GPC6: variants seen among roughly 807,000 people sequenced by gnomAD.
The protein encoded by GPC6 is glypican-6.
A neutral mutation model predicts 55.2 loss-of-function variants in GPC6; 14 were observed. That is an observed-to-expected ratio of 0.25 (90% CI 0.17 to 0.40). The LOEUF is 0.40. GPC6 is among the 10% of genes least tolerant of loss of function. The pLI is 1.00. For synonymous variants in GPC6, 278 were observed against 259.6 expected, an observed-to-expected ratio of 1.07 and a Z score of -0.68; for missense variants, 641 against 708.5, an observed-to-expected ratio of 0.90 and a Z score of 1.08.
At chr13:94,069,478 A>C (rs1182641370) in intron 4 of GPC6, among the ~76,000 whole-genome samples, 1 of 152,078 alleles carries the variant, frequency 6.6e-6, no homozygotes, top group Non-Finnish European at 1.5e-5. Context: ...TACTTATGCA[A>C]ATTTCTGGAG....
At chr13:93,585,415 A>G (rs1877145321) in intron 2 of GPC6, among the ~76,000 whole-genome samples, 1 of 152,196 alleles carries the variant, frequency 6.6e-6, no homozygotes. Context: ...TTTTCTCAGC[A>G]TTCAGCTAGA....
chr13:94,124,206 C>T (rs1340871744), intron 4 of GPC6, among the ~76,000 whole-genome samples: 2 of 152,132 alleles, frequency 1.3e-5, no homozygotes, highest in African/African-American at 2.4e-5. Context: ...ATTTTTACAA[C>T]ATGACTCTTG....
chr13:93,783,916 G>T (rs576442216), intron 2 of GPC6, among the ~76,000 whole-genome samples: 19 of 152,022 alleles, frequency 1.2e-4, no homozygotes, highest in Non-Finnish European at 2.4e-4. Context: ...TCACCTCTTT[G>T]TTCCTATAGA....
At chr13:94,119,051 T>G (rs1430245234) in intron 4 of GPC6, among the ~76,000 whole-genome samples, 2 of 152,040 alleles carry the variant, frequency 1.3e-5, no homozygotes, top group Non-Finnish European at 2.9e-5. Flanking sequence ...TATGTGTATA[T>G]ATATATACAT....
rs1407486191 is a variant in GPC6 at position 93,791,976 on chromosome 13, A to G, written c.320-38178A>G. On this transcript the variant is annotated intron_variant, in intron 2 of 8. Transcript: ENST00000377047. ...CACAGGGAACGAAGCAAAATTGTGAATTTTTGAAGATTTTTTTTCTAAAGA... is the reference window on the plus strand; with the variant it reads ...CACAGGGAACGAAGCAAAATTGTGAGTTTTTGAAGATTTTTTTTCTAAAGA... 2.6e-5 allele frequency among the ~76,000 whole-genome samples: 4 copies of G among 152,336 alleles called. No homozygotes were observed. The East Asian group carries it at 5.8e-4, about 22-fold the overall frequency.
At chr13:93,949,558 C>A (rs1353792632) in intron 3 of GPC6, among the ~76,000 whole-genome samples, 1 of 152,130 alleles carries the variant, frequency 6.6e-6, no homozygotes, top group African/African-American at 2.4e-5. Context: ...ACATGTTCAC[C>A]TTTAACCTGA....
At chr13:93,240,739 G>A (rs1038948741) in intron 1 of GPC6, among the ~76,000 whole-genome samples, 1 of 152,072 alleles carries the variant, frequency 6.6e-6, no homozygotes, top group African/African-American at 2.4e-5. Context: ...TAAGCAGTGA[G>A]TTTTATACTT....
At chr13:93,670,538 T>C (rs974244537) in intron 2 of GPC6, among the ~76,000 whole-genome samples, 4 of 152,206 alleles carry the variant, frequency 2.6e-5, no homozygotes, top group African/African-American at 9.6e-5. Flanking sequence ...GGTCATATAA[T>C]GTGTGGGAAT....
At chr13:93,483,791 C>T (rs965006194) in intron 1 of GPC6, among the ~76,000 whole-genome samples, 2 of 152,048 alleles carry the variant, frequency 1.3e-5, no homozygotes, top group Admixed American at 6.6e-5. Flanking sequence ...GTGCTATTAG[C>T]CCACAGAGTG....
intron 4 of GPC6, among the ~76,000 whole-genome samples, chr13:94,209,348 G>A (rs559461021): frequency 1.3e-5 from 2 of 152,304 alleles, no homozygotes; most frequent in East Asian, 1.9e-4. Flanking sequence ...GTTCCCTGGA[G>A]CTATTTGTGG....
chr13:94,205,632 C>G (rs9561514), intron 4 of GPC6, among the ~76,000 whole-genome samples: 19,296 of 152,174 alleles, frequency 0.13, 1,295 homozygotes, highest in South Asian at 0.23. Context: ...AAATTTCAAT[C>G]TATTCCACCA....
At chr13:93,922,489 C>T (rs1241960632) in intron 3 of GPC6, among the ~76,000 whole-genome samples, 1 of 152,052 alleles carries the variant, frequency 6.6e-6, no homozygotes, top group African/African-American at 2.4e-5. Flanking sequence ...GCACTGTTGT[C>T]ATTTTGGGGG....
chr13:93,413,045 A>T (rs1449354248), intron 1 of GPC6, among the ~76,000 whole-genome samples: 2 of 152,304 alleles, frequency 1.3e-5, no homozygotes, highest in East Asian at 3.9e-4. Flanking sequence ...GTGAGGACTA[A>T]TGGTAGATGT....
chr13:93,290,352 T>C (rs140945175), intron 1 of GPC6, among the ~76,000 whole-genome samples: 3 of 152,244 alleles, frequency 2.0e-5, no homozygotes, highest in Middle Eastern at 3.4e-3. Flanking sequence ...CCACAATCTG[T>C]CCAGAAATTC....
At chr13:94,339,175 C>T (rs1287943981) in intron 6 of GPC6, among the ~76,000 whole-genome samples, 2 of 152,036 alleles carry the variant, frequency 1.3e-5, no homozygotes, top group Non-Finnish European at 2.9e-5. Flanking sequence ...AGCAGTCCTC[C>T]GGCCTCAGCC....
rs56074677 is a variant in GPC6 at position 94,339,751 on chromosome 13, CTTTTTTTTTTTTTTTTT to C, written c.1152+33641_1152+33657del. ...TTAAGTCTGCAACCTGCATACTTTC[CTTTTTTTTTTTTTTTTT>C]TTTTTTTTTTTTGAGACAGAGTTTT... is the stretch of plus-strand genomic sequence containing the variant. On this transcript the variant is annotated intron_variant, in intron 6 of 8. Coordinates refer to ENST00000377047, the MANE Select transcript of GPC6 (RefSeq NM_005708.5). Among the ~76,000 whole-genome samples, 23 of 63,812 alleles carry C rather than the reference CTTTTTTTTTTTTTTTTT, an allele frequency of 3.6e-4. No homozygotes were observed. The East Asian group carries it at 6.9e-3, about 19-fold the overall frequency. The allele number at this position is 63,812 out of a possible 152,430, so 41.9% of individuals were successfully genotyped here.
At chr13:93,426,534 A>G (rs972587001) in intron 1 of GPC6, among the ~76,000 whole-genome samples, 1 of 151,806 alleles carries the variant, frequency 6.6e-6, no homozygotes, top group Non-Finnish European at 1.5e-5. Context: ...GATGATTTCC[A>G]ATTTCATCCA....
chr13:93,717,765 C>T (rs1213565196), intron 2 of GPC6, among the ~76,000 whole-genome samples: 1 of 151,656 alleles, frequency 6.6e-6, no homozygotes, highest in Admixed American at 6.6e-5. Context: ...TCCCCTTGCC[C>T]CCCACCCCTG....
At chr13:94,215,239 T>C (rs997299233) in intron 4 of GPC6, among the ~76,000 whole-genome samples, 2 of 152,192 alleles carry the variant, frequency 1.3e-5, no homozygotes, top group African/African-American at 4.8e-5. Context: ...TCCCAGCTTC[T>C]AACTGGCTGC....
Sources: allele counts gnomAD v4.1 joint callset (sites outside exome capture counted in the v4.1 genomes callset), GRCh38; gene constraint gnomAD v4.1.1; transcripts MANE v1.5; gene names NCBI Gene and HGNC (gene_info 2026-07-23, HGNC 2026-07-21).